The following ITSN2 variants were observed in gnomAD, a reference collection of about 807,000 sequenced individuals.
ITSN2 encodes intersectin 2, also known as intersectin-2.
ITSN2 carries 156 observed loss-of-function variants against 243.7 expected under a neutral mutation model. The observed-to-expected ratio is 0.64, with a 90% CI of 0.56 to 0.73. The LOEUF is 0.73. ITSN2 is among the 30% of genes least tolerant of loss of function. ITSN2 has a pLI of 0.00. For synonymous variants in ITSN2, 703 were observed against 699.9 expected, an observed-to-expected ratio of 1.00 and a Z score of -0.07; for missense variants, 1,801 against 1,996.1, an observed-to-expected ratio of 0.90 and a Z score of 1.86.
chr2:24,241,387 C>A (rs535056762), intron 29 of ITSN2: 2 of 152,328 alleles, frequency 1.3e-5, no homozygotes, highest in East Asian at 1.9e-4. Context: ...AGAATACACA[C>A]GCTGCAGCAC....
chr2:24,246,645 C>T (rs1673408063), intron 28 of ITSN2, 152 bp downstream of exon 28: 4 of 599,580 alleles, frequency 6.7e-6, no homozygotes, highest in Non-Finnish European at 1.2e-5. Flanking sequence ...CTGAACTTTT[C>T]AGAAAGGAAA....
intron 17 of ITSN2, among the ~76,000 whole-genome samples, chr2:24,278,514 G>A (rs1187664283): frequency 3.3e-5 from 5 of 152,110 alleles, no homozygotes; most frequent in Non-Finnish European, 4.4e-5. Context: ...TGACTATGGT[G>A]ATGTAAAAAT....
chr2:24,252,028 C>A (rs1674398612), intron 25 of ITSN2, among the ~76,000 whole-genome samples: 1 of 152,114 alleles, frequency 6.6e-6, no homozygotes. Context: ...TCAAGGTGGT[C>A]CTTTTTGTGT....
At chr2:24,295,915 T>C in intron 13 of ITSN2, 111 bp from the exon 14 acceptor site, 1 of 821,468 alleles carries the variant, frequency 1.2e-6, no homozygotes, top group Non-Finnish European at 1.8e-6. Context: ...ATCATTCATA[T>C]TCATCCTGAA....
At chr2:24,277,195 G>A (rs1335716507) in intron 17 of ITSN2, among the ~76,000 whole-genome samples, 2 of 152,144 alleles carry the variant, frequency 1.3e-5, no homozygotes, top group Non-Finnish European at 2.9e-5. Flanking sequence ...GGAAAGAAGT[G>A]GGGGCGGGGG....
intron 1 of ITSN2, among the ~76,000 whole-genome samples, chr2:24,339,293 A>G (rs565341397): frequency 5.0e-4 from 63 of 124,816 alleles, no homozygotes; most frequent in African/African-American, 1.6e-3. Flanking sequence ...CTACACAAGG[A>G]AACTCCATCT....
intron 1 of ITSN2, among the ~76,000 whole-genome samples, chr2:24,336,986 C>A (rs954347864): frequency 2.6e-5 from 4 of 151,502 alleles, no homozygotes; most frequent in African/African-American, 9.7e-5. Context: ...GGAAGCAGAA[C>A]AGGCTCCAAC....
At chr2:24,216,280 G>A (rs1669948434) in intron 31 of ITSN2, 48 bp from the exon 32 acceptor site, 6 of 1,424,812 alleles carry the variant, frequency 4.2e-6, no homozygotes, top group Non-Finnish European at 5.7e-6. Flanking sequence ...AATGACTTAG[G>A]TAATTAAAGG....
At chr2:24,270,978 G>A (rs1677267232) in intron 19 of ITSN2, among the ~76,000 whole-genome samples, 1 of 152,176 alleles carries the variant, frequency 6.6e-6, no homozygotes, top group South Asian at 2.1e-4. Flanking sequence ...TAAGGTAGGA[G>A]GCAGCAAAAC....
At chr2:24,312,444 G>T (rs1683366138) in intron 4 of ITSN2, 69 bp from the exon 5 acceptor site, 5 of 1,172,962 alleles carry the variant, frequency 4.3e-6, no homozygotes, top group African/African-American at 1.6e-5. Flanking sequence ...TTATTTTGGG[G>T]ATTGACAAAG....
At chr2:24,354,169 C>T (rs909930809) in intron 1 of ITSN2, among the ~76,000 whole-genome samples, 1 of 152,248 alleles carries the variant, frequency 6.6e-6, no homozygotes, top group Non-Finnish European at 1.5e-5. Context: ...GATACCATCA[C>T]CAGGCCCATC....
chr2:24,261,291 T>C (rs923685872), intron 21 of ITSN2, 41 bp from the exon 22 acceptor site: 3 of 1,440,712 alleles, frequency 2.1e-6, no homozygotes, highest in Admixed American at 3.7e-5. Flanking sequence ...TTTATTTGTT[T>C]AGAACTTAAT....
At chr2:24,337,321 T>TATATATATACACATATATATATACATAC (rs1553395918) in intron 1 of ITSN2, among the ~76,000 whole-genome samples, 1 of 80,914 alleles carries the variant, frequency 1.2e-5, no homozygotes, top group African/African-American at 5.6e-5. Flanking sequence ...ACAAAATATA[T>TATATATATACACATATATATATACATAC]ATATATATAT....
intron 29 of ITSN2, among the ~76,000 whole-genome samples, chr2:24,244,141 T>C (rs1986514): frequency 0.13 from 20,352 of 152,234 alleles, 1,935 homozygotes; most frequent in African/African-American, 0.27. Context: ...TAACAGATGA[T>C]ATCAATCTAT....
At chr2:24,205,532 T>G in intron 37 of ITSN2, 2 of 467,260 alleles carry the variant, frequency 4.3e-6, no homozygotes, top group Non-Finnish European at 7.9e-6. Flanking sequence ...CTACTCATCC[T>G]TCAAGATGCA....
rs181687112 is a variant in ITSN2, at chr2:24,211,984, A to G, written c.4089+666T>C. Among the ~76,000 whole-genome samples the G allele has an allele frequency of 2.0e-3, 302 of 152,326 alleles. 1 individual carries two copies. Among genetic ancestry groups the G allele is most frequent in the African/African-American group, 6.8e-3 (281 of 41,578 alleles). The stretch of plus-strand genomic sequence containing the variant: ...CCAAAAGTCAAGGAATCATCAATAG[A>G]AGTAACAAGCTTATCATATTCCTGC... On this transcript the variant is annotated intron_variant, in intron 33 of 39. Transcript: ENST00000355123. The surrounding 1 kb of genome is among the most constrained non-coding windows in gnomAD (Gnocchi z 4.1).
At chr2:24,262,516 A>C (rs74433707) in intron 20 of ITSN2, among the ~76,000 whole-genome samples, 180 of 152,254 alleles carry the variant, frequency 1.2e-3, no homozygotes, top group African/African-American at 4.2e-3. Context: ...TTCATCCTAC[A>C]GTGTGACATC....
chr2:24,291,561 C>A (rs1680261671), intron 15 of ITSN2, among the ~76,000 whole-genome samples: 1 of 151,334 alleles, frequency 6.6e-6, no homozygotes, highest in Non-Finnish European at 1.5e-5. Context: ...GCGATCTCAG[C>A]TCACTGCAGC....
intron 29 of ITSN2, among the ~76,000 whole-genome samples, chr2:24,243,458 G>T: frequency 8.9e-6 from 1 of 112,756 alleles, no homozygotes. Context: ...ACCGAAAGAC[G>T]ATTATTCTTT....
Sources: allele counts gnomAD v4.1 joint callset (sites outside exome capture counted in the v4.1 genomes callset), GRCh38; gene constraint gnomAD v4.1.1; non-coding constraint Gnocchi (gnomAD v3.1); transcripts MANE v1.5; gene names NCBI Gene and HGNC (gene_info 2026-07-23, HGNC 2026-07-21).